ZBTB20: variants seen among roughly 807,000 people sequenced by gnomAD.
ZBTB20 encodes zinc finger and BTB domain-containing protein 20.
In ZBTB20, 9 loss-of-function variants were observed where a neutral mutation model predicts 56.9. The observed-to-expected ratio is 0.16, with a 90% CI of 0.10 to 0.28. The LOEUF is 0.28. ZBTB20 is among the 10% of genes least tolerant of loss of function. The pLI is 1.00. For synonymous variants in ZBTB20, 417 were observed against 420.7 expected (o/e 0.99, Z 0.11); for missense variants, 655 against 1,003.0 (o/e 0.65, Z 4.69).
chr3:115,140,790 A>G (rs1213718145), intron 1 of ZBTB20, among the ~76,000 whole-genome samples: 1 of 152,062 alleles, frequency 6.6e-6, no homozygotes, highest in Non-Finnish European at 1.5e-5. Context: ...TTTTAATATT[A>G]TGTTGAATTA....
chr3:114,510,492 C>T (rs1000206049), intron 6 of ZBTB20, among the ~76,000 whole-genome samples: 3 of 151,884 alleles, frequency 2.0e-5, no homozygotes, highest in African/African-American at 4.8e-5. Context: ...TAACCCCACA[C>T]TGAGCTTTTT....
intron 7 of ZBTB20, chr3:114,453,727 A>G (rs2091787562): frequency 6.6e-6 from 1 of 152,132 alleles, no homozygotes; most frequent in Non-Finnish European, 1.5e-5. Context: ...AACATATGCA[A>G]CTTAACTAGT....
At chr3:114,690,614 T>C (rs1473480254) in intron 6 of ZBTB20, among the ~76,000 whole-genome samples, 1 of 152,158 alleles carries the variant, frequency 6.6e-6, no homozygotes. Flanking sequence ...AGAGCAATAA[T>C]ACAAGCACAG....
chr3:114,859,150 T>A (rs555696024), intron 4 of ZBTB20, among the ~76,000 whole-genome samples: 1 of 8,362 alleles, frequency 1.2e-4, no homozygotes, highest in Admixed American at 2.9e-3. Flanking sequence ...GACAAGAGAA[T>A]TCTTCCTCTC....
intron 2 of ZBTB20, among the ~76,000 whole-genome samples, chr3:115,006,665 T>C (rs2079486661): frequency 6.6e-6 from 1 of 151,716 alleles, no homozygotes; most frequent in Admixed American, 6.6e-5. Flanking sequence ...GAAGGGCACC[T>C]TAGAGCCCAC....
chr3:114,606,959 G>A (rs959012506), intron 6 of ZBTB20, among the ~76,000 whole-genome samples: 3 of 151,826 alleles, frequency 2.0e-5, no homozygotes, highest in African/African-American at 4.8e-5. Flanking sequence ...TTAACTGGGC[G>A]TGGTGGTGGG....
At chr3:114,897,687 T>A (rs762557134) in intron 4 of ZBTB20, among the ~76,000 whole-genome samples, 5 of 152,104 alleles carry the variant, frequency 3.3e-5, no homozygotes, top group Admixed American at 6.6e-5. Context: ...TCTACCACAC[T>A]AAGATTCACT....
intron 1 of ZBTB20, among the ~76,000 whole-genome samples, chr3:115,143,433 G>C (rs2084876035): frequency 6.6e-6 from 1 of 152,154 alleles, no homozygotes; most frequent in Non-Finnish European, 1.5e-5. Context: ...GGAGGCTGAG[G>C]CAGGAGGGCG....
At chr3:114,466,498 T>C (rs905003965) in intron 7 of ZBTB20, among the ~76,000 whole-genome samples, 1 of 152,186 alleles carries the variant, frequency 6.6e-6, no homozygotes, top group Non-Finnish European at 1.5e-5. Flanking sequence ...TCTTAGGAGA[T>C]AACAAGTAGC....
chr3:114,802,079 T>C (rs1250393715), intron 4 of ZBTB20, among the ~76,000 whole-genome samples: 3 of 151,902 alleles, frequency 2.0e-5, no homozygotes, highest in Non-Finnish European at 4.4e-5. Context: ...AATTAAATCA[T>C]CCTTACTTTT....
intron 11 of ZBTB20, among the ~76,000 whole-genome samples, chr3:114,348,700 A>G (rs921852714): frequency 6.6e-6 from 1 of 152,346 alleles, no homozygotes; most frequent in East Asian, 1.9e-4. Flanking sequence ...TTTCAGTTGT[A>G]CAATTCCATG....
chr3:114,753,774 C>A (rs1323312379), intron 5 of ZBTB20, among the ~76,000 whole-genome samples: 2 of 151,960 alleles, frequency 1.3e-5, no homozygotes, highest in African/African-American at 4.8e-5. Flanking sequence ...TCCTTTCCTA[C>A]CCCATTATAA....
intron 7 of ZBTB20, among the ~76,000 whole-genome samples, chr3:114,402,564 T>C (rs2086914179): frequency 6.6e-6 from 1 of 152,124 alleles, no homozygotes; most frequent in Admixed American, 6.6e-5. Context: ...TCCTCACAAA[T>C]ATCCAAGCAC....
chr3:114,821,363 AG>A (rs1268536417), intron 4 of ZBTB20, among the ~76,000 whole-genome samples: 1 of 152,124 alleles, frequency 6.6e-6, no homozygotes, highest in African/African-American at 2.4e-5. Flanking sequence ...ACATCAATGC[AG>A]CACTTTCAAG....
At chr3:114,450,837 T>C (rs995022253) in intron 7 of ZBTB20, among the ~76,000 whole-genome samples, 2 of 152,240 alleles carry the variant, frequency 1.3e-5, no homozygotes, top group Non-Finnish European at 2.9e-5. Context: ...TTCATCTGTT[T>C]TTCATAGCAA....
At chr3:114,446,685 G>A (rs2091291639) in intron 7 of ZBTB20, among the ~76,000 whole-genome samples, 1 of 152,126 alleles carries the variant, frequency 6.6e-6, no homozygotes, top group African/African-American at 2.4e-5. Flanking sequence ...TATCTTCTGA[G>A]AAGCCGGCCT....
chr3:114,699,235 T>C lies in ZBTB20; in HGVS notation c.-342-5660A>G, dbSNP rs1302975012. 2.6e-5 allele frequency among the ~76,000 whole-genome samples: 4 copies of C among 152,256 alleles called. No individual in the cohort carries two copies. In the East Asian group the frequency reaches 7.7e-4, roughly 29 times the overall value. ...ACAGAAAAGTCTATTTTAATTTCCA[T>C]GGACACATTCTAAAGAAAAAGTCAT... is the stretch of plus-strand genomic sequence containing the variant. On this transcript the variant is annotated intron_variant, in intron 5 of 11. Coordinates refer to ENST00000675478, the MANE Select transcript of ZBTB20 (RefSeq NM_001348800.3).
intron 4 of ZBTB20, among the ~76,000 whole-genome samples, chr3:114,815,721 C>G (rs1213758791): frequency 6.6e-6 from 1 of 151,894 alleles, no homozygotes; most frequent in Non-Finnish European, 1.5e-5. Context: ...AGATTTTATA[C>G]ACACACACAA....
chr3:114,642,375 C>A (rs1047797225), intron 6 of ZBTB20, among the ~76,000 whole-genome samples: 5 of 151,978 alleles, frequency 3.3e-5, no homozygotes, highest in African/African-American at 1.2e-4. Context: ...TTGTTAATTA[C>A]TTTGATGTTC....
Sources: gnomAD v4.1 joint callset for allele counts (sites outside exome capture counted in the v4.1 genomes callset) on GRCh38, gnomAD v4.1.1 for gene constraint, MANE v1.5 for transcripts, NCBI Gene and HGNC (gene_info 2026-07-23, HGNC 2026-07-21) for gene names.